The following INSC variants were observed in gnomAD, a reference collection of about 807,000 sequenced individuals.
The protein encoded by INSC is protein inscuteable homolog.
In INSC, 67 loss-of-function variants were observed where a neutral mutation model predicts 58.6. The ratio of observed to expected loss-of-function variants is 1.14; its 90% CI spans 0.94 to 1.40. INSC has a LOEUF of 1.40. Ranked by LOEUF, INSC falls within the 40% of genes most tolerant of loss-of-function variation. The pLI is 0.00. For synonymous variants in INSC, 262 were observed against 276.1 expected (o/e 0.95, Z 0.51); for missense variants, 714 against 692.0 (o/e 1.03, Z -0.36).
intron 5 of INSC, among the ~76,000 whole-genome samples, chr11:15,183,441 G>C (rs201048469): frequency 7.8e-5 from 5 of 64,474 alleles, no homozygotes; most frequent in Non-Finnish European, 1.8e-4. Context: ...TGTAGTGTGT[G>C]TATGTGTGTG....
chr11:15,230,672 C>T (rs748481900), intron 9 of INSC, among the ~76,000 whole-genome samples: 1 of 152,208 alleles, frequency 6.6e-6, no homozygotes, highest in Non-Finnish European at 1.5e-5. Flanking sequence ...CCCTACAAAG[C>T]CAAGGGCAAA....
At position 15,200,886 on chromosome 11, in the gene INSC, C is replaced by T. The variant is rs759896929; in HGVS notation, c.756C>T (p.Pro252=). The T allele has an allele frequency of 1.2e-6, 2 of 1,613,856 alleles. No individual in the cohort carries two copies. The highest frequency in any genetic ancestry group is 2.2e-5 in the South Asian group (2 of 91,044). ...CRQDSFRCLY[P]QALRTLASIC... ...AGGACAGTTTCCGGTGCTTGTACCCCCAGGCGCTCCGCACGCTGGCCTCCA... is the reference window on the plus strand; with the variant it reads ...AGGACAGTTTCCGGTGCTTGTACCCTCAGGCGCTCCGCACGCTGGCCTCCA... Residue 252 remains proline (P), a synonymous_variant, in exon 7 of 13, where the codon CCC becomes CCT. Coordinates refer to ENST00000379556, the MANE Select transcript of INSC (RefSeq NM_001042536.3).
intron 2 of INSC, among the ~76,000 whole-genome samples, chr11:15,167,363 T>G (rs1045159155): frequency 3.9e-5 from 6 of 152,134 alleles, no homozygotes; most frequent in African/African-American, 1.2e-4. Flanking sequence ...ATTCCCGCAC[T>G]TACTAATTTG....
chr11:15,151,959 T>C (rs187261899), intron 2 of INSC, among the ~76,000 whole-genome samples: 50 of 152,328 alleles, frequency 3.3e-4, no homozygotes, highest in Admixed American at 2.0e-4. Context: ...TACTGATTAA[T>C]AGGCAGGCCT....
chr11:15,193,805 C>A (rs1465629499), intron 6 of INSC, among the ~76,000 whole-genome samples: 1 of 152,108 alleles, frequency 6.6e-6, no homozygotes, highest in South Asian at 2.1e-4. Flanking sequence ...GGGTATATAC[C>A]CAGTAATGGG....
At chr11:15,181,420 C>A (rs889757914) in intron 5 of INSC, among the ~76,000 whole-genome samples, 3 of 152,112 alleles carry the variant, frequency 2.0e-5, no homozygotes, top group Non-Finnish European at 2.9e-5. Flanking sequence ...CTCCCCACCC[C>A]CTTCACCCCA....
intron 1 of INSC, among the ~76,000 whole-genome samples, chr11:15,145,505 G>GGTGC (rs1848470945): frequency 6.6e-6 from 1 of 152,098 alleles, no homozygotes; most frequent in Non-Finnish European, 1.5e-5. Flanking sequence ...GGAGTCGGTG[G>GGTGC]GTGCAAGGGC....
chr11:15,142,632 T>C (rs1006367695), intron 1 of INSC, among the ~76,000 whole-genome samples: 1 of 152,082 alleles, frequency 6.6e-6, no homozygotes, highest in Non-Finnish European at 1.5e-5. Flanking sequence ...AGTGTGACTG[T>C]CCACTGATCC....
At chr11:15,197,393 C>T (rs745618432) in intron 6 of INSC, among the ~76,000 whole-genome samples, 62 of 152,188 alleles carry the variant, frequency 4.1e-4, no homozygotes, top group Non-Finnish European at 6.9e-4. Flanking sequence ...AGACTAATTC[C>T]TCCCATAGAA....
chr11:15,218,539 T>C (rs1279906523), intron 7 of INSC, among the ~76,000 whole-genome samples: 3 of 152,128 alleles, frequency 2.0e-5, no homozygotes, highest in Non-Finnish European at 2.9e-5. Flanking sequence ...TATTATTTGT[T>C]AAAACTTATT....
chr11:15,183,138 G>C (rs1470679893), intron 5 of INSC, among the ~76,000 whole-genome samples: 2 of 151,930 alleles, frequency 1.3e-5, no homozygotes, highest in Admixed American at 6.6e-5. Flanking sequence ...ACCTGAGGTT[G>C]GGAGCTCGAG....
chr11:15,214,424 A>T (rs1196966857), intron 7 of INSC, among the ~76,000 whole-genome samples: 1 of 152,224 alleles, frequency 6.6e-6, no homozygotes, highest in African/African-American at 2.4e-5. Flanking sequence ...TTTCCTTAAA[A>T]TTAGACACAT....
chr11:15,168,704 G>A (rs1450408563), intron 2 of INSC, among the ~76,000 whole-genome samples: 1 of 152,102 alleles, frequency 6.6e-6, no homozygotes, highest in Non-Finnish European at 1.5e-5. Flanking sequence ...GGCTCAAATT[G>A]GTAAGAAGTT....
rs966282322 is a variant in INSC at position 15,115,000 on chromosome 11, CTAAG to C, written c.-46+4_-46+7del. The C allele has an allele frequency of 2.0e-6, 2 of 985,474 alleles. No homozygotes were observed. Among genetic ancestry groups the C allele is most frequent in the Non-Finnish European group, 2.4e-6 (2 of 829,944 alleles). 61.0% of individuals were successfully genotyped at this position (985,474 alleles called of 1,614,324 possible). On this transcript the variant is annotated splice_donor_variant and 5_prime_UTR_variant, in exon 1 of 13. Transcript: ENST00000379556. LOFTEE classifies it low-confidence loss of function (5UTR_SPLICE). The stretch of plus-strand genomic sequence containing the variant: ...TCGCACTACCAGCCTGTCTCGCACG[CTAAG>C]TAAGTAGACAGCTCCCCTAGCTGGA...
At chr11:15,199,563 G>A (rs1400048153) in intron 6 of INSC, among the ~76,000 whole-genome samples, 1 of 152,210 alleles carries the variant, frequency 6.6e-6, no homozygotes, top group East Asian at 1.9e-4. Flanking sequence ...ACATGGAACT[G>A]AGCCTGGCAC....
At chr11:15,140,009 C>T (rs1181729267) in intron 1 of INSC, among the ~76,000 whole-genome samples, 1 of 152,200 alleles carries the variant, frequency 6.6e-6, no homozygotes, top group Non-Finnish European at 1.5e-5. Context: ...AATGGCCCAC[C>T]CTGAGACACA....
chr11:15,268,289 A>G, the INSC span, among the ~76,000 whole-genome samples: 4 of 152,064 alleles, frequency 2.6e-5, no homozygotes, highest in Non-Finnish European at 5.9e-5. Flanking sequence ...CCCTTCTATT[A>G]ATTACAAAAC....
chr11:15,151,279 A>G (rs565242453), intron 2 of INSC, among the ~76,000 whole-genome samples: 2 of 152,268 alleles, frequency 1.3e-5, no homozygotes, highest in Admixed American at 1.3e-4. Context: ...TATGTTCCTT[A>G]TGGGAATGTA....
chr11:15,243,766 T>A (rs1371267327), intron 12 of INSC, among the ~76,000 whole-genome samples: 1 of 152,046 alleles, frequency 6.6e-6, no homozygotes, highest in African/African-American at 2.4e-5. Context: ...TTTATCACCA[T>A]AACTCCTTTC....
Sources: gnomAD v4.1 joint callset for allele counts (sites outside exome capture counted in the v4.1 genomes callset) on GRCh38, gnomAD v4.1.1 for gene constraint, MANE v1.5 for transcripts, NCBI Gene and HGNC (gene_info 2026-07-23, HGNC 2026-07-21) for gene names.